MAP4: variants seen among roughly 807,000 people sequenced by gnomAD.
MAP4 encodes the protein microtubule associated protein 4.
Under a neutral mutation model 170.2 loss-of-function variants are expected in MAP4, and 76 were observed. The observed-to-expected ratio is 0.45, with a 90% CI of 0.37 to 0.54. The LOEUF is 0.54. MAP4 is among the 20% of genes least tolerant of loss of function. The pLI is 0.00. For missense variants in MAP4, 2,506 were observed against 2,748.0 expected, an observed-to-expected ratio of 0.91 and a Z score of 1.97; for synonymous variants, 909 against 994.5, an observed-to-expected ratio of 0.91 and a Z score of 1.62.
In MAP4 at chr3:47,918,761, C is replaced by G. The variant is rs1237311700; in HGVS notation, c.610G>C (p.Val204Leu). 6.2e-7 allele frequency: 1 copy of G among 1,611,690 alleles called. No homozygotes were observed. Among genetic ancestry groups the G allele is most frequent in the Non-Finnish European group, 8.5e-7 (1 of 1,178,004 alleles). Residue 204 changes from valine to leucine, a missense_variant, in exon 6 of 21, where the codon GTT becomes CTT. Around this residue, in one of 3 missense-constraint regions of MAP4, gnomAD observed 2,008 missense variants for 2,206.0 expected, o/e 0.91. Coordinates refer to ENST00000683076, the MANE Select transcript of MAP4 (RefSeq NM_001385682.1). Reference sequence around the variant, plus strand: ...GGTTCTGCAACAGCCTCTGGGGAAACAAAGGACTCTGAGTGTGGAGAGTTT... The same window carrying G: ...GGTTCTGCAACAGCCTCTGGGGAAAGAAAGGACTCTGAGTGTGGAGAGTTT... The part of the protein sequence containing the change: ...ALNSPHSESF[V>L]SPEAVAEPPQ...
chr3:48,008,950 T>C (rs150862782), intron 1 of MAP4, among the ~76,000 whole-genome samples: 8 of 152,278 alleles, frequency 5.3e-5, no homozygotes, highest in East Asian at 1.9e-4. Flanking sequence ...TGGTGGCGGA[T>C]TGATTATATT....
chr3:47,864,718 T>A (rs2151372744), intron 17 of MAP4, among the ~76,000 whole-genome samples: 1 of 152,072 alleles, frequency 6.6e-6, no homozygotes, highest in African/African-American at 2.4e-5. Flanking sequence ...AATACAAAAA[T>A]TAGCTAGGCA....
At chr3:48,062,185 T>C (rs2100135951) in intron 1 of MAP4, among the ~76,000 whole-genome samples, 1 of 152,296 alleles carries the variant, frequency 6.6e-6, no homozygotes, top group East Asian at 1.9e-4. Context: ...ATGCTGTTGA[T>C]CTATGACCTT....
At chr3:47,974,660 C>T (rs1214299287) in intron 3 of MAP4, 2 of 943,730 alleles carry the variant, frequency 2.1e-6, no homozygotes, top group African/African-American at 3.6e-5. Context: ...TTGTACAGTA[C>T]TAATCTCAAC....
At chr3:47,952,046 C>T (rs1457749350) in intron 3 of MAP4, among the ~76,000 whole-genome samples, 3 of 150,720 alleles carry the variant, frequency 2.0e-5, no homozygotes, top group African/African-American at 4.9e-5. Flanking sequence ...GCCGCGACCC[C>T]GTCTGGGAGG....
intron 1 of MAP4, among the ~76,000 whole-genome samples, chr3:48,034,076 T>C (rs2100117537): frequency 6.6e-6 from 1 of 152,234 alleles, no homozygotes; most frequent in Non-Finnish European, 1.5e-5. Flanking sequence ...GCATACATAT[T>C]GTGCCAAGTA....
At chr3:48,035,862 C>T (rs910760077) in intron 1 of MAP4, among the ~76,000 whole-genome samples, 2 of 152,044 alleles carry the variant, frequency 1.3e-5, no homozygotes, top group African/African-American at 4.8e-5. Context: ...ATTGCTTGAA[C>T]CTGGGTGGTG....
At chr3:47,942,969 C>T (rs960758901) in intron 3 of MAP4, among the ~76,000 whole-genome samples, 4 of 152,018 alleles carry the variant, frequency 2.6e-5, no homozygotes, top group Admixed American at 6.6e-5. Flanking sequence ...AAAAAATTAG[C>T]CAGGCACGGT....
At position 47,977,874 on chromosome 3, in the gene MAP4, C is replaced by T. The variant is rs746944733; in HGVS notation, c.283G>A (p.Asp95Asn). Residue 95 changes from aspartate (D) to asparagine (N), a missense_variant, in exon 3 of 21, where the codon GAT becomes AAT. Physicochemically the swap from Asp to Asn is conservative, Grantham distance 23. Transcript: ENST00000683076. The stretch of plus-strand genomic sequence containing the variant: ...CCTGGGAATCACTTACCTGTAGTAT[C>T]GCTCCCTTCTACTCCATGACCACCA... ...ANGGHGVEGS[D>N]TTGSPTEFLE... 9.3e-6 allele frequency: 15 copies of T among 1,610,678 alleles called. No homozygotes were observed. The highest frequency in any genetic ancestry group is 3.3e-4 in the Middle Eastern group (2 of 6,050).
intron 1 of MAP4, among the ~76,000 whole-genome samples, chr3:48,055,007 C>T (rs1030845149): frequency 3.3e-5 from 5 of 152,094 alleles, no homozygotes; most frequent in African/African-American, 9.7e-5. Context: ...TCCAACCTCT[C>T]AAAGCTGTAA....
Position 47,858,242 on chromosome 3 carries a change from A to G in MAP4, c.6502-730T>C, listed in dbSNP as rs375309708. On this transcript the variant is annotated intron_variant, in intron 17 of 20. Coordinates refer to ENST00000683076, the MANE Select transcript of MAP4 (RefSeq NM_001385682.1). ...TGGTCAGGCTGGTCTCGAACTCCTG[A>G]CCTCAGGTGATCCGCCTGCCTCAGG... Among the ~76,000 whole-genome samples, 26 of 151,222 alleles carry G rather than the reference A, an allele frequency of 1.7e-4. 1 individual carries two copies. The highest frequency in any genetic ancestry group is 9.8e-4 in the East Asian group (5 of 5,118).
intron 1 of MAP4, among the ~76,000 whole-genome samples, chr3:48,036,768 T>C (rs537249713): frequency 6.6e-6 from 1 of 152,334 alleles, no homozygotes. Flanking sequence ...AGGCGGCTGA[T>C]GTAAACAAAA....
At chr3:48,076,371 G>A (rs2100143882) in intron 1 of MAP4, among the ~76,000 whole-genome samples, 3 of 151,818 alleles carry the variant, frequency 2.0e-5, no homozygotes, top group Admixed American at 6.6e-5. Flanking sequence ...GCATGGTGGT[G>A]GGCACCTGTA....
chr3:48,044,262 C>T (rs986650947), intron 1 of MAP4, among the ~76,000 whole-genome samples: 5 of 151,630 alleles, frequency 3.3e-5, no homozygotes, highest in Non-Finnish European at 7.4e-5. Flanking sequence ...TCATGCCATT[C>T]TCCTGCCTCA....
intron 17 of MAP4, 51 bp downstream of exon 17, chr3:47,867,195 C>A (rs775632044): frequency 1.6e-6 from 2 of 1,279,212 alleles, no homozygotes; most frequent in South Asian, 1.2e-5. Context: ...CCCTAGTATA[C>A]CCCACAGTGG....
chr3:48,005,033 A>C (rs760091282), intron 1 of MAP4, among the ~76,000 whole-genome samples: 2 of 152,114 alleles, frequency 1.3e-5, no homozygotes, highest in East Asian at 3.9e-4. Flanking sequence ...TGAGGTTGAG[A>C]GTGTGACCCA....
At chr3:48,056,425 T>G (rs1442954401) in intron 1 of MAP4, among the ~76,000 whole-genome samples, 1 of 77,738 alleles carries the variant, frequency 1.3e-5, no homozygotes, top group Non-Finnish European at 2.6e-5. Flanking sequence ...AGCCGCCCCG[T>G]CCGGGAGGGA....
chr3:47,959,976 C>T (rs927909493), intron 3 of MAP4, among the ~76,000 whole-genome samples: 1 of 151,930 alleles, frequency 6.6e-6, no homozygotes, highest in Non-Finnish European at 1.5e-5. Flanking sequence ...AATTCTCCTG[C>T]CTCAGCCTCC....
At chr3:48,061,673 C>A (rs1336261135) in intron 1 of MAP4, among the ~76,000 whole-genome samples, 4 of 140,688 alleles carry the variant, frequency 2.8e-5, no homozygotes, top group African/African-American at 8.1e-5. Context: ...ATGTGAGGAG[C>A]CCCTCTGCCC....
Sources: gnomAD v4.1 joint callset for allele counts (sites outside exome capture counted in the v4.1 genomes callset) on GRCh38, gnomAD v4.1.1 for gene constraint, gnomAD v4.1.1 regional missense constraint, MANE v1.5 for transcripts, NCBI Gene and HGNC (gene_info 2026-07-23, HGNC 2026-07-21) for gene names.